MCF2L2: variants seen among roughly 807,000 people sequenced by gnomAD.
MCF2L2 encodes MCF.2 cell line derived transforming sequence-like 2.
MCF2L2 carries 102 observed loss-of-function variants against 150.2 expected under a neutral mutation model. The ratio of observed to expected loss-of-function variants is 0.68; its 90% CI spans 0.58 to 0.80. The LOEUF (loss-of-function observed/expected upper bound fraction) is 0.80, where lower values mean the gene tolerates loss of function less well. MCF2L2 is among the 30% of genes least tolerant of loss of function. The pLI is 0.00. For synonymous variants in MCF2L2, 465 were observed against 491.3 expected (o/e 0.95, Z 0.71); for missense variants, 1,256 against 1,372.8 (o/e 0.91, Z 1.34).
intron 15 of MCF2L2, among the ~76,000 whole-genome samples, chr3:183,234,679 G>A (rs1302966919): frequency 8.5e-6 from 1 of 116,994 alleles, no homozygotes; most frequent in Non-Finnish European, 1.7e-5. Context: ...AGGAGAAAAT[G>A]TATGACTCTT....
intron 1 of MCF2L2, among the ~76,000 whole-genome samples, chr3:183,402,467 AAAAAAAG>A (rs1324394296): frequency 6.9e-6 from 1 of 144,238 alleles, no homozygotes; most frequent in African/African-American, 2.7e-5. Flanking sequence ...AAAAAAAAAA[AAAAAAAG>A]AATATAAAAG....
chr3:183,426,670 AT>A (rs1190410430), intron 1 of MCF2L2, among the ~76,000 whole-genome samples: 1 of 152,164 alleles, frequency 6.6e-6, no homozygotes, highest in Non-Finnish European at 1.5e-5. Flanking sequence ...CTTTCATCAT[AT>A]TGCAGATTCC....
chr3:183,284,594 C>G (rs950896117), intron 14 of MCF2L2, among the ~76,000 whole-genome samples: 1 of 151,868 alleles, frequency 6.6e-6, no homozygotes, highest in Admixed American at 6.6e-5. Context: ...CCCAGCTACT[C>G]TAGAGGCTAA....
chr3:183,274,358 C>T (rs1727029908), intron 15 of MCF2L2, among the ~76,000 whole-genome samples: 1 of 152,178 alleles, frequency 6.6e-6, no homozygotes, highest in Non-Finnish European at 1.5e-5. Context: ...TTTTCTTTGA[C>T]ACGGTTAGCT....
chr3:183,375,258 T>A (rs1296584005), intron 3 of MCF2L2: 1 of 152,226 alleles, frequency 6.6e-6, no homozygotes, highest in Non-Finnish European at 1.5e-5. Flanking sequence ...TTCCTCCTTT[T>A]GCTTTCTGAG....
chr3:183,213,907 A>C (rs957743861), intron 22 of MCF2L2, among the ~76,000 whole-genome samples: 1 of 152,238 alleles, frequency 6.6e-6, no homozygotes, highest in African/African-American at 2.4e-5. Flanking sequence ...GTCTTAGTAG[A>C]AAAGGTACCA....
intron 13 of MCF2L2, 115 bp from the exon 14 acceptor site, chr3:183,289,335 A>G (rs952657791): frequency 1.5e-6 from 1 of 672,118 alleles, no homozygotes; most frequent in South Asian, 1.8e-5. Flanking sequence ...ATAAAAGCTC[A>G]CTTGAGCTGC....
chr3:183,286,254 T>A (rs1164979783), intron 14 of MCF2L2, among the ~76,000 whole-genome samples: 2 of 152,184 alleles, frequency 1.3e-5, no homozygotes, highest in Non-Finnish European at 2.9e-5. Flanking sequence ...CACAGCTATT[T>A]TTTTTCTCGG....
chr3:183,335,813 C>G (rs891201341), intron 5 of MCF2L2, among the ~76,000 whole-genome samples: 1 of 152,122 alleles, frequency 6.6e-6, no homozygotes, highest in African/African-American at 2.4e-5. Context: ...GAGCTATGAT[C>G]CTAAGCTATT....
At chr3:183,350,222 C>T (rs1402441513) in intron 3 of MCF2L2, among the ~76,000 whole-genome samples, 4 of 152,082 alleles carry the variant, frequency 2.6e-5, no homozygotes, top group Admixed American at 2.6e-4. Flanking sequence ...CAGAAAGAGA[C>T]AAGGAATCAC....
chr3:183,216,461 TATATATTA>T (rs1722917907), intron 21 of MCF2L2, among the ~76,000 whole-genome samples: 1 of 141,180 alleles, frequency 7.1e-6, no homozygotes, highest in Non-Finnish European at 1.5e-5. Context: ...ATTAAATATT[TATATATTA>T]ATATATAATT....
intron 22 of MCF2L2, among the ~76,000 whole-genome samples, chr3:183,215,478 T>C (rs1279005690): frequency 6.6e-6 from 1 of 152,192 alleles, no homozygotes; most frequent in South Asian, 2.1e-4. Context: ...ACTGCATCTC[T>C]TGGGTTTTCT....
chr3:183,419,017 G>C (rs1450077523), intron 1 of MCF2L2, among the ~76,000 whole-genome samples: 1 of 152,212 alleles, frequency 6.6e-6, no homozygotes, highest in African/African-American at 2.4e-5. Flanking sequence ...GCAGACTTCT[G>C]CCTGGATATC....
chr3:183,184,940 C>T (rs929416661), intron 27 of MCF2L2, among the ~76,000 whole-genome samples: 9 of 148,968 alleles, frequency 6.0e-5, no homozygotes, highest in African/African-American at 1.7e-4. Flanking sequence ...TTTTTTGAGA[C>T]GGAGTCTCGC....
At chr3:183,361,107 A>AAGACAAGAAAAGAAAAGAC (rs1560040349) in intron 3 of MCF2L2, among the ~76,000 whole-genome samples, 1 of 91,532 alleles carries the variant, frequency 1.1e-5, no homozygotes, top group African/African-American at 7.7e-5. Context: ...CAAGACAAGA[A>AAGACAAGAAAAGAAAAGAC]AAGAAAAAAG....
chr3:183,359,577 A>C (rs1282365630), intron 3 of MCF2L2, among the ~76,000 whole-genome samples: 1 of 152,178 alleles, frequency 6.6e-6, no homozygotes, highest in Non-Finnish European at 1.5e-5. Flanking sequence ...TATGTCATGT[A>C]TTTTCCCCCA....
Position 183,337,509 on chromosome 3 carries a change from C to T in MCF2L2, c.486+1291G>A, listed in dbSNP as rs202105948. On this transcript the variant is annotated intron_variant, in intron 5 of 29. Coordinates refer to ENST00000328913, the MANE Select transcript of MCF2L2 (RefSeq NM_015078.4). ...TGGAGGTTGCAGTGAGCTGAAATTG[C>T]GCCACTGCACTCCAGCCTGGGCACC... Among the ~76,000 whole-genome samples, 8 of 146,334 alleles carry T rather than the reference C, an allele frequency of 5.5e-5. No homozygotes were observed. The East Asian group carries it at 8.0e-4, about 15-fold the overall frequency.
intron 26 of MCF2L2, 50 bp from the exon 27 acceptor site, chr3:183,193,146 G>A (rs760039661): frequency 3.4e-5 from 50 of 1,452,044 alleles, no homozygotes; most frequent in Admixed American, 8.4e-5. Flanking sequence ...AATGACACAC[G>A]CATCCCTCCC....
At chr3:183,409,405 G>A (rs73061120) in intron 1 of MCF2L2, among the ~76,000 whole-genome samples, 9,003 of 152,108 alleles carry the variant, frequency 0.059, 484 homozygotes, top group African/African-American at 0.14. Flanking sequence ...ATGACCTTGG[G>A]CAAGCTTCCT....
Sources: allele counts gnomAD v4.1 joint callset (sites outside exome capture counted in the v4.1 genomes callset), GRCh38; gene constraint gnomAD v4.1.1; transcripts MANE v1.5; gene names NCBI Gene and HGNC (gene_info 2026-07-23, HGNC 2026-07-21).